Variants in LRCH3 observed in about 807,000 individuals in gnomAD.
The protein encoded by LRCH3 is leucine rich repeats and calponin homology domain containing 3.
A neutral mutation model predicts 104.5 loss-of-function variants in LRCH3; 68 were observed. The ratio of observed to expected loss-of-function variants is 0.65; its 90% CI spans 0.54 to 0.80. LRCH3 has a LOEUF of 0.80. Ranked by LOEUF, LRCH3 falls within the 30% of genes least tolerant of loss-of-function variation. The pLI is 0.00. For missense variants in LRCH3, 951 were observed against 953.9 expected, an observed-to-expected ratio of 1.00 and a Z score of 0.04; for synonymous variants, 344 against 361.3, an observed-to-expected ratio of 0.95 and a Z score of 0.54.
At position 197,851,346 on chromosome 3, in the gene LRCH3, A is replaced by G. The variant is rs553259090; in HGVS notation, c.1531-1215A>G. On this transcript the variant is annotated intron_variant, in intron 12 of 20. Transcript: ENST00000425562. ...GAACACTTGAGTTTCAAAGCAGGAA[A>G]AAACATGAGAAGAGAGAGACTTCTG... 2.9e-4 allele frequency among the ~76,000 whole-genome samples: 44 copies of G among 152,370 alleles called. 1 individual carries two copies. In the South Asian group the frequency reaches 8.9e-3, roughly 31 times the overall value.
At chr3:197,833,437 C>A (rs1294807625) in intron 8 of LRCH3, among the ~76,000 whole-genome samples, 4 of 134,116 alleles carry the variant, frequency 3.0e-5, no homozygotes, top group Non-Finnish European at 4.6e-5. Flanking sequence ...ACTCGGGAGG[C>A]TGAGGCAGGA....
At chr3:197,880,957 C>T in intron 20 of LRCH3, 1 of 1,375,574 alleles carries the variant, frequency 7.3e-7, no homozygotes, top group Non-Finnish European at 9.4e-7. Context: ...TCCGTCCATT[C>T]TCCTGGCCTG....
intron 10 of LRCH3, among the ~76,000 whole-genome samples, chr3:197,843,609 A>C (rs1738150616): frequency 6.6e-6 from 1 of 152,200 alleles, no homozygotes; most frequent in Non-Finnish European, 1.5e-5. Flanking sequence ...GCTTGAACTT[A>C]GAAGGCAGAG....
chr3:197,869,507 A>C (rs1711814727), intron 17 of LRCH3, among the ~76,000 whole-genome samples: 1 of 149,880 alleles, frequency 6.7e-6, no homozygotes, highest in East Asian at 2.0e-4. Context: ...CTGTACCTGC[A>C]GGAGGTAGAA....
rs1713979982 is a variant in LRCH3, at chr3:197,883,733, C to T, written c.*67C>T. On this transcript the variant is annotated 3_prime_UTR_variant, in exon 21 of 21. Coordinates refer to ENST00000425562, the MANE Select transcript of LRCH3 (RefSeq NM_001365715.1). The surrounding 1 kb of genome is among the most constrained non-coding windows in gnomAD (Gnocchi z 4.2). ...AACAGGACACCGTGATTGCTGCTGCCAGCTGTCTGCTTAAACAAAGCTCTT... is the reference window on the plus strand; with the variant it reads ...AACAGGACACCGTGATTGCTGCTGCTAGCTGTCTGCTTAAACAAAGCTCTT... 2 of 1,468,054 alleles carry T rather than the reference C, an allele frequency of 1.4e-6. No individual in the cohort carries two copies. The highest frequency in any genetic ancestry group is 1.8e-6 in the Non-Finnish European group (2 of 1,104,890). 90.9% of individuals were successfully genotyped at this position (1,468,054 alleles called of 1,614,324 possible).
intron 20 of LRCH3, chr3:197,882,536 C>CA (rs973886924): frequency 1.1e-5 from 10 of 872,078 alleles, no homozygotes; most frequent in Non-Finnish European, 1.4e-5. Context: ...AAACAAAAAA[C>CA]AAAAAAACCC....
intron 10 of LRCH3, among the ~76,000 whole-genome samples, chr3:197,843,052 T>C (rs894897797): frequency 6.7e-6 from 1 of 149,166 alleles, no homozygotes; most frequent in African/African-American, 2.5e-5. Flanking sequence ...ACCACTGCAT[T>C]CCAGCCTGGG....
chr3:197,865,446 A>G lies in LRCH3; in HGVS notation c.1740A>G (p.Leu580=), dbSNP rs750397908. 9 of 1,561,136 alleles carry G rather than the reference A, an allele frequency of 5.8e-6. No individual in the cohort carries two copies. The highest frequency in any genetic ancestry group is 1.2e-5 in the South Asian group (1 of 83,692). The part of the protein sequence containing the change: ...PLKSDDRPNA[L]LSSPATETVH... ...AGAGTGATGACAGACCTAATGCTCT[A>G]TTAAGTTCACCTGCAACAGAAACAG... The change falls in exon 16 of 21, where the codon CTA becomes CTG. Residue 580 remains leucine, a synonymous_variant. Transcript: ENST00000425562.
intron 1 of LRCH3, among the ~76,000 whole-genome samples, chr3:197,801,104 A>C (rs6776074): frequency 6.1e-5 from 9 of 147,756 alleles, no homozygotes; most frequent in African/African-American, 2.2e-4. Flanking sequence ...CAAAAAAAAA[A>C]ACAAGAAAAT....
Position 197,815,111 on chromosome 3 carries a change from C to T in LRCH3, c.407+59C>T, listed in dbSNP as rs895233826. ...GTTTTATGTGATCTTTTCGATTTTC[C>T]CCTTTCCCTAAAATATTTACCTATA... On this transcript the variant is annotated intron_variant, in intron 2 of 20. Transcript: ENST00000425562. The T allele has an allele frequency of 4.7e-6, 5 of 1,058,666 alleles. No individual in the cohort carries two copies. In the African/African-American group the frequency reaches 8.2e-5, roughly 17 times the overall value. 65.6% of individuals were successfully genotyped at this position (1,058,666 alleles called of 1,614,324 possible). A position where few individuals can be genotyped will look rare whatever the true frequency, so the allele number is the denominator to read the frequency against.
Position 197,886,466 on chromosome 3 carries a change from C to T in LRCH3, c.*2800C>T, listed in dbSNP as rs917045665. ...AACAGACCCACCAACTCTTATATAC[C>T]CTTATATAACTTGTTTAGAATTTAG... On this transcript the variant is annotated 3_prime_UTR_variant, in exon 21 of 21. Transcript: ENST00000425562. The T allele has an allele frequency of 6.6e-6, 1 of 152,070 alleles. No individual in the cohort carries two copies. The highest frequency in any genetic ancestry group is 2.4e-5 in the African/African-American group (1 of 41,402). The allele number at this position is 152,070 out of a possible 1,614,324, so 9.4% of individuals were successfully genotyped here. A position where few individuals can be genotyped will look rare whatever the true frequency, so the allele number is the denominator to read the frequency against.
At chr3:197,876,351 T>G (rs2109550655) in intron 20 of LRCH3, 1 of 152,352 alleles carries the variant, frequency 6.6e-6, no homozygotes, top group East Asian at 1.9e-4. Flanking sequence ...TTCTTTGGAG[T>G]CTGGCATGCA....
At chr3:197,866,330 AG>A in intron 17 of LRCH3, 111 bp downstream of exon 17, 1 of 710,622 alleles carries the variant, frequency 1.4e-6, no homozygotes, top group Non-Finnish European at 2.5e-6. Context: ...CAAAGCTATC[AG>A]CTCGGCAAAA....
chr3:197,882,852 G>T (rs1344872843), intron 20 of LRCH3: 1 of 985,138 alleles, frequency 1.0e-6, no homozygotes, highest in East Asian at 1.1e-4. Context: ...AATAATTCAG[G>T]CTGTTAAATA....
chr3:197,880,615 TTGTC>T, intron 20 of LRCH3: 1 of 1,536,770 alleles, frequency 6.5e-7, no homozygotes, highest in Non-Finnish European at 8.7e-7. Flanking sequence ...GAATCCAGTT[TTGTC>T]TGTCTCTCTC....
intron 8 of LRCH3, among the ~76,000 whole-genome samples, chr3:197,834,889 A>G (rs1736480754): frequency 6.6e-6 from 1 of 152,184 alleles, no homozygotes; most frequent in Admixed American, 6.5e-5. Flanking sequence ...GATGCCTGTA[A>G]TCCCAGCACT....
At chr3:197,828,503 G>A (rs1002723459) in intron 5 of LRCH3, among the ~76,000 whole-genome samples, 1 of 151,598 alleles carries the variant, frequency 6.6e-6, no homozygotes, top group Non-Finnish European at 1.5e-5. Context: ...CTGCCACCAT[G>A]CCTGGCTAAT....
chr3:197,800,103 T>G (rs1219160925), intron 1 of LRCH3, among the ~76,000 whole-genome samples: 2 of 151,770 alleles, frequency 1.3e-5, no homozygotes, highest in Admixed American at 1.3e-4. Context: ...GCAGGAGAAT[T>G]GCTTGAACCC....
chr3:197,862,896 C>T (rs1034182133), intron 15 of LRCH3, among the ~76,000 whole-genome samples: 1 of 152,210 alleles, frequency 6.6e-6, no homozygotes, highest in Non-Finnish European at 1.5e-5. Flanking sequence ...TCTTAGTTCT[C>T]CACCTGTGAT....
Sources: gnomAD v4.1 joint callset for allele counts (sites outside exome capture counted in the v4.1 genomes callset) on GRCh38, gnomAD v4.1.1 for gene constraint, Gnocchi (gnomAD v3.1) non-coding constraint, MANE v1.5 for transcripts, NCBI Gene and HGNC (gene_info 2026-07-23, HGNC 2026-07-21) for gene names.